RAPGEF4: variants seen among roughly 807,000 people sequenced by gnomAD.
RAPGEF4 encodes the protein RAP guanine-nucleotide-exchange factor (GEF) 4.
RAPGEF4 carries 66 observed loss-of-function variants against 147.9 expected under a neutral mutation model. That is an observed-to-expected ratio of 0.45 (90% CI 0.37 to 0.55). The LOEUF is 0.55. Ranked by LOEUF, RAPGEF4 falls within the 20% of genes least tolerant of loss-of-function variation. RAPGEF4 has a pLI of 0.00. For missense variants in RAPGEF4, 1,071 were observed against 1,257.3 expected (o/e 0.85, Z 2.24); for synonymous variants, 419 against 442.7 (o/e 0.95, Z 0.67).
rs1038847660 is a variant in RAPGEF4, at chr2:172,774,297, G to T, written c.66-20728G>T. 3.3e-5 allele frequency among the ~76,000 whole-genome samples: 5 copies of T among 152,070 alleles called. No homozygotes were observed. In the East Asian group the frequency reaches 9.6e-4, roughly 29 times the overall value. On this transcript the variant is annotated intron_variant, in intron 1 of 30. Coordinates refer to ENST00000397081, the MANE Select transcript of RAPGEF4 (RefSeq NM_007023.4). ...TGGCTCTGATTTTTTCTGATTTTCT[G>T]ATTTTTAAATATCTCTGGTGGCCTT...
At chr2:172,820,272 C>T (rs1688943785) in intron 4 of RAPGEF4, among the ~76,000 whole-genome samples, 1 of 152,218 alleles carries the variant, frequency 6.6e-6, no homozygotes, top group African/African-American at 2.4e-5. Flanking sequence ...GTTACCACCT[C>T]TTTACCTGTA....
chr2:172,859,545 A>C (rs1325842885), intron 4 of RAPGEF4, among the ~76,000 whole-genome samples: 4 of 152,190 alleles, frequency 2.6e-5, no homozygotes, highest in Admixed American at 2.0e-4. Context: ...GATCTGCCCA[A>C]ATTTTTATAG....
At chr2:173,011,178 A>ACACACG (rs1694992021) in intron 17 of RAPGEF4, among the ~76,000 whole-genome samples, 2 of 143,428 alleles carry the variant, frequency 1.4e-5, no homozygotes, top group South Asian at 2.1e-4. Flanking sequence ...GCGCACACAC[A>ACACACG]CACACACACA....
chr2:172,784,951 G>A (rs1055311896), intron 1 of RAPGEF4, among the ~76,000 whole-genome samples: 3 of 151,784 alleles, frequency 2.0e-5, no homozygotes, highest in South Asian at 2.1e-4. Flanking sequence ...TCAGCCTCCC[G>A]AGTAGCTGGG....
chr2:172,814,643 C>G (rs3754766), intron 4 of RAPGEF4: 200,816 of 562,616 alleles, frequency 0.36, 36,585 homozygotes, highest in East Asian at 0.49. Flanking sequence ...GCTCAATTTT[C>G]TGTAGTTTGA....
chr2:172,992,013 C>G (rs1288923189), intron 15 of RAPGEF4, among the ~76,000 whole-genome samples: 1 of 152,190 alleles, frequency 6.6e-6, no homozygotes, highest in East Asian at 1.9e-4. Flanking sequence ...TGCCCAAGGT[C>G]TCAAAGCTTG....
chr2:172,871,232 TA>T (rs1695207127), intron 4 of RAPGEF4, among the ~76,000 whole-genome samples: 1 of 152,218 alleles, frequency 6.6e-6, no homozygotes, highest in Non-Finnish European at 1.5e-5. Context: ...AGAATGGATT[TA>T]GTGTGTTGCT....
rs1574924427 is a variant in RAPGEF4 at position 172,814,344 on chromosome 2, A to C, written c.363A>C (p.Thr121=). ...TTGGAGAGTCCATTCTGGACAACACACCCCGCCATGCAACCATCGTTACCA... is the reference window on the plus strand; with the variant it reads ...TTGGAGAGTCCATTCTGGACAACACCCCCCGCCATGCAACCATCGTTACCA... ...TAFGESILDN[T]PRHATIVTRE... Residue 121 remains threonine (T), a synonymous_variant, in exon 4 of 31, where the codon ACA becomes ACC. Coordinates refer to ENST00000397081, the MANE Select transcript of RAPGEF4 (RefSeq NM_007023.4). The C allele has an allele frequency of 1.2e-6, 2 of 1,614,034 alleles. No individual in the cohort carries two copies. The highest frequency in any genetic ancestry group is 8.5e-7 in the Non-Finnish European group (1 of 1,179,992).
intron 4 of RAPGEF4, among the ~76,000 whole-genome samples, chr2:172,878,741 A>G (rs1012216580): frequency 6.6e-5 from 10 of 152,242 alleles, no homozygotes; most frequent in African/African-American, 2.4e-4. Flanking sequence ...CTAGCTAGAA[A>G]AAATGGGCAA....
Position 173,027,252 on chromosome 2 carries a change from G to A in RAPGEF4, c.2551G>A (p.Ala851Thr). The A allele has an allele frequency of 1.3e-6, 2 of 1,589,622 alleles. No homozygotes were observed. The highest frequency in any genetic ancestry group is 1.7e-6 in the Non-Finnish European group (2 of 1,172,816). ...VQLLKKFIKI[A>T]AHCKEYKNLN... ...GCTATTAAAAAAATTTATTAAGATAGCAGCCCAGTAAGTATATTTAGCTTG... is the reference window on the plus strand; with the variant it reads ...GCTATTAAAAAAATTTATTAAGATAACAGCCCAGTAAGTATATTTAGCTTG... Residue 851 changes from alanine (A) to threonine (T), a missense_variant, in exon 25 of 31, where the codon GCA becomes ACA. Transcript: ENST00000397081.
At chr2:172,752,016 GA>G (rs1327767689) in intron 1 of RAPGEF4, among the ~76,000 whole-genome samples, 1 of 152,264 alleles carries the variant, frequency 6.6e-6, no homozygotes, top group East Asian at 1.9e-4. Context: ...TAATTTTCAG[GA>G]AAAAGAAAGC....
rs116204801 is a variant in RAPGEF4 at position 172,828,483 on chromosome 2, G to A, written c.444+14058G>A. ...CCTGGCCTTTCTTGAGGACAGAACA[G>A]GGTTTTGACATCCTTCAGCTCCTCC... On this transcript the variant is annotated intron_variant, in intron 4 of 30. Transcript: ENST00000397081. Among the ~76,000 whole-genome samples, 133 of 152,312 alleles carry A rather than the reference G, an allele frequency of 8.7e-4. 1 individual carries two copies. The highest frequency in any genetic ancestry group is 6.8e-3 in the Middle Eastern group (2 of 294).
chr2:172,795,260 T>C (rs901164603), intron 2 of RAPGEF4, 93 bp downstream of exon 2: 4 of 1,312,742 alleles, frequency 3.0e-6, no homozygotes, highest in Non-Finnish European at 2.1e-6. Flanking sequence ...GGAGTATTTA[T>C]GTGCTAAATA....
At chr2:172,921,409 T>C (rs1684745293) in intron 5 of RAPGEF4, among the ~76,000 whole-genome samples, 1 of 152,218 alleles carries the variant, frequency 6.6e-6, no homozygotes, top group African/African-American at 2.4e-5. Flanking sequence ...CTTTTAATGC[T>C]GATACTGTAA....
intron 4 of RAPGEF4, among the ~76,000 whole-genome samples, chr2:172,831,726 T>C (rs1199276207): frequency 1.3e-5 from 2 of 152,206 alleles, no homozygotes; most frequent in Non-Finnish European, 2.9e-5. Context: ...TTAATAGAGA[T>C]GTTAGTCTCT....
intron 1 of RAPGEF4, among the ~76,000 whole-genome samples, chr2:172,737,205 T>TGAG (rs1203487574): frequency 1.3e-5 from 2 of 152,236 alleles, no homozygotes; most frequent in Non-Finnish European, 2.9e-5. Flanking sequence ...TTTTGGCAGG[T>TGAG]AGTGCCCTAT....
intron 4 of RAPGEF4, among the ~76,000 whole-genome samples, chr2:172,843,817 G>T (rs946904276): frequency 2.0e-5 from 3 of 152,162 alleles, no homozygotes; most frequent in African/African-American, 7.2e-5. Flanking sequence ...CAAGGCGTAC[G>T]CTAGGATCTG....
intron 6 of RAPGEF4, among the ~76,000 whole-genome samples, chr2:172,954,857 A>T (rs1017562432): frequency 6.6e-6 from 1 of 152,188 alleles, no homozygotes; most frequent in Admixed American, 6.5e-5. Context: ...CATTTATTAG[A>T]TTCATATTAT....
chr2:172,930,338 C>T (rs1237440370), intron 6 of RAPGEF4, among the ~76,000 whole-genome samples: 1 of 152,180 alleles, frequency 6.6e-6, no homozygotes, highest in Non-Finnish European at 1.5e-5. Flanking sequence ...AGAGCTTGAT[C>T]TATTTTGAGT....
Sources: gnomAD v4.1 joint callset for allele counts (sites outside exome capture counted in the v4.1 genomes callset) on GRCh38, gnomAD v4.1.1 for gene constraint, MANE v1.5 for transcripts, NCBI Gene and HGNC (gene_info 2026-07-23, HGNC 2026-07-21) for gene names.